RARB: variants seen among roughly 807,000 people sequenced by gnomAD.
RARB encodes the protein retinoic acid receptor beta, also known as HBV-activated protein.
Under a neutral mutation model 51.9 loss-of-function variants are expected in RARB, and 17 were observed. The ratio of observed to expected loss-of-function variants is 0.33; its 90% CI spans 0.22 to 0.49. The LOEUF (loss-of-function observed/expected upper bound fraction) is 0.49. RARB is among the 20% of genes least tolerant of loss of function. The pLI is 0.99. For missense variants in RARB, 369 were observed against 550.8 expected (o/e 0.67, Z 3.30); for synonymous variants, 215 against 195.4 (o/e 1.10, Z -0.84).
At chr3:25,095,755 A>G (rs951438418) in intron 3 of RARB, among the ~76,000 whole-genome samples, 6 of 152,152 alleles carry the variant, frequency 3.9e-5, no homozygotes, top group African/African-American at 9.7e-5. Flanking sequence ...AGCAAAAGGA[A>G]AAATGGGCCT....
At position 25,526,205 on chromosome 3, in the gene RARB, C is replaced by G. The variant is rs575949779; in HGVS notation, c.448+24882C>G. The stretch of plus-strand genomic sequence containing the variant: ...AGAAGTTTCCTGGGCTGGAATAAGT[C>G]TTCTGGGAACCCAAATGAAAGAAGA... On this transcript the variant is annotated intron_variant, in intron 3 of 7. Coordinates refer to ENST00000330688, the MANE Select transcript of RARB (RefSeq NM_000965.5). Among the ~76,000 whole-genome samples the G allele has an allele frequency of 5.9e-5, 9 of 152,220 alleles. No homozygotes were observed. In the South Asian group the frequency reaches 1.7e-3, roughly 28 times the overall value.
chr3:25,400,042 T>C (rs1384502055), intron 5 of RARB, among the ~76,000 whole-genome samples: 1 of 152,228 alleles, frequency 6.6e-6, no homozygotes, highest in East Asian at 1.9e-4. Flanking sequence ...ATATATAATA[T>C]GCTTAGAATA....
chr3:25,459,633 T>C (rs1695072788), intron 1 of RARB, among the ~76,000 whole-genome samples: 1 of 152,168 alleles, frequency 6.6e-6, no homozygotes, highest in African/African-American at 2.4e-5. Flanking sequence ...TGGTGGATTA[T>C]TAGCATGGTG....
chr3:25,233,941 T>C (rs1178694694), intron 5 of RARB, among the ~76,000 whole-genome samples: 1 of 152,102 alleles, frequency 6.6e-6, no homozygotes, highest in Non-Finnish European at 1.5e-5. Flanking sequence ...AATTTTCTGA[T>C]ATATTATTCT....
intron 3 of RARB, among the ~76,000 whole-genome samples, chr3:25,081,594 T>TATATATAA (rs1365190580): frequency 5.8e-5 from 1 of 17,340 alleles, no homozygotes; most frequent in African/African-American, 2.6e-4. Flanking sequence ...TACATATATA[T>TATATATAA]ATATATATAT....
intron 2 of RARB, among the ~76,000 whole-genome samples, chr3:25,466,251 G>T (rs143292474): frequency 1.3e-5 from 2 of 152,118 alleles, no homozygotes; most frequent in African/African-American, 2.4e-5. Flanking sequence ...GCAGTGGCGC[G>T]ATCTAGGCTC....
At chr3:25,203,627 G>T (rs945561854) in intron 5 of RARB, among the ~76,000 whole-genome samples, 5 of 152,130 alleles carry the variant, frequency 3.3e-5, no homozygotes, top group Admixed American at 2.6e-4. Flanking sequence ...GGCAGGCCTG[G>T]TGGTGACAAA....
chr3:24,934,836 A>G (rs1365515276), intron 2 of RARB, among the ~76,000 whole-genome samples: 3 of 152,138 alleles, frequency 2.0e-5, no homozygotes, highest in African/African-American at 7.2e-5. Context: ...AAATGAATTT[A>G]AAGCCTATGA....
chr3:25,237,924 G>A (rs1350173330), intron 5 of RARB, among the ~76,000 whole-genome samples: 2 of 152,022 alleles, frequency 1.3e-5, no homozygotes, highest in Non-Finnish European at 2.9e-5. Context: ...TATATAGAGA[G>A]AGTACATGTG....
intron 2 of RARB, among the ~76,000 whole-genome samples, chr3:24,962,111 A>G (rs1035049463): frequency 1.3e-5 from 2 of 151,604 alleles, no homozygotes; most frequent in African/African-American, 4.8e-5. Flanking sequence ...TTCTATTTTT[A>G]GTAGAGACGG....
At chr3:25,212,079 TTTC>T (rs1484363675) in intron 5 of RARB, among the ~76,000 whole-genome samples, 1 of 152,166 alleles carries the variant, frequency 6.6e-6, no homozygotes, top group African/African-American at 2.4e-5. Context: ...GCATTGTCAT[TTTC>T]TTCTAATAAG....
chr3:25,482,521 A>ATTTTTTTTTTTT lies in RARB; in HGVS notation c.307-18636_307-18625dup, dbSNP rs71087718. Among the ~76,000 whole-genome samples the ATTTTTTTTTTTT allele has an allele frequency of 1.2e-3, 79 of 65,784 alleles. 10 individuals carry two copies. The highest frequency in any genetic ancestry group is 3.2e-3 in the African/African-American group (46 of 14,274). The allele number at this position is 65,784 out of a possible 152,430, so 43.2% of individuals were successfully genotyped here. A position where few individuals can be genotyped will look rare whatever the true frequency, so the allele number is the denominator to read the frequency against. On this transcript the variant is annotated intron_variant, in intron 2 of 7. Transcript: ENST00000330688. Reference sequence around the variant, plus strand: ...TAACTTTAAATTTTCTAGCAGCCAAATTTTTTTTTTTTTTTTTTTTTTTTT... The same window carrying ATTTTTTTTTTTT: ...TAACTTTAAATTTTCTAGCAGCCAAATTTTTTTTTTTTTTTTTTTTTTTTTTTTTTTTTTTTT...
At chr3:25,255,604 C>T (rs1018659898) in intron 5 of RARB, among the ~76,000 whole-genome samples, 5 of 151,954 alleles carry the variant, frequency 3.3e-5, no homozygotes, top group Admixed American at 6.6e-5. Context: ...CAGTACTTGC[C>T]GTGTAGATGT....
At position 25,483,531 on chromosome 3, in the gene RARB, T is replaced by C. The variant is rs927751075; in HGVS notation, c.307-17651T>C. ...AATTTTAAAATCATATTTCTTCTTT[T>C]TTTTTTTTTTTTTTTTCACTCAAAA... On this transcript the variant is annotated intron_variant, in intron 2 of 7. Transcript: ENST00000330688. Among the ~76,000 whole-genome samples the C allele has an allele frequency of 2.9e-3, 242 of 82,924 alleles. 2 individuals carry two copies. Among genetic ancestry groups the C allele is most frequent in the African/African-American group, 9.8e-3 (227 of 23,118 alleles). 54.4% of individuals were successfully genotyped at this position (82,924 alleles called of 152,430 possible).
At chr3:24,949,569 CTA>C (rs942225658) in intron 2 of RARB, among the ~76,000 whole-genome samples, 13 of 152,136 alleles carry the variant, frequency 8.5e-5, no homozygotes, top group African/African-American at 3.1e-4. Context: ...CAAAAAGTGA[CTA>C]TTAAATTTTG....
At chr3:25,040,024 A>G (rs1201992721) in intron 2 of RARB, among the ~76,000 whole-genome samples, 2 of 152,214 alleles carry the variant, frequency 1.3e-5, no homozygotes, top group Non-Finnish European at 2.9e-5. Flanking sequence ...TAATGGTGAC[A>G]TTCTCCTGAT....
intron 5 of RARB, among the ~76,000 whole-genome samples, chr3:25,370,785 C>A (rs1706274537): frequency 6.6e-6 from 1 of 152,182 alleles, no homozygotes; most frequent in Admixed American, 6.5e-5. Flanking sequence ...CCCAGGCTTG[C>A]TGGCGTCAAA....
chr3:25,559,953 A>G (rs1371402957), intron 3 of RARB, among the ~76,000 whole-genome samples: 1 of 152,204 alleles, frequency 6.6e-6, no homozygotes, highest in Non-Finnish European at 1.5e-5. Context: ...TTGGATGGAT[A>G]GACAGATGGA....
At chr3:24,856,584 C>T (rs1702639353) in intron 1 of RARB, among the ~76,000 whole-genome samples, 1 of 152,194 alleles carries the variant, frequency 6.6e-6, no homozygotes, top group Non-Finnish European at 1.5e-5. Context: ...CCTTGAACTT[C>T]TGTAGCTTCT....
Sources: allele counts gnomAD v4.1 joint callset (sites outside exome capture counted in the v4.1 genomes callset), GRCh38; gene constraint gnomAD v4.1.1; transcripts MANE v1.5; gene names NCBI Gene and HGNC (gene_info 2026-07-23, HGNC 2026-07-21).